ANKS3: variants seen among roughly 807,000 people sequenced by gnomAD.
ANKS3 encodes the protein ankyrin repeat and SAM domain-containing protein 3.
ANKS3 carries 62 observed loss-of-function variants against 80.7 expected under a neutral mutation model. The observed-to-expected ratio is 0.77, with a 90% CI of 0.63 to 0.95. The LOEUF (loss-of-function observed/expected upper bound fraction) is 0.95, where lower values mean the gene tolerates loss of function less well. Ranked by LOEUF, ANKS3 falls within the 40% of genes least tolerant of loss-of-function variation. ANKS3 has a pLI of 0.00. For missense variants in ANKS3, 1,150 were observed against 883.6 expected (o/e 1.30, Z -3.82); for synonymous variants, 489 against 355.3 (o/e 1.38, Z -4.23).
chr16:4,698,883 G>A lies in ANKS3; in HGVS notation c.1468C>T (p.Arg490Cys), dbSNP rs761486110. ...AGCTCCAGGGCATCCCCGGGTGGGC[G>A]GGCACTGCTGTGCCAGCGGGCAATG... The part of the protein sequence containing the change: ...SAIARWHSSA[R>C]PPGDALELAY... The change falls in exon 13 of 18, where the codon CGC (arginine) becomes TGC (cysteine). Residue 490 changes from arginine to cysteine, a missense_variant. Transcript: ENST00000304283. 33 of 1,600,428 alleles carry A rather than the reference G, an allele frequency of 2.1e-5. No homozygotes were observed. The highest frequency in any genetic ancestry group is 6.8e-5 in the Admixed American group (4 of 59,130).
intron 10 of ANKS3, 62 bp from the exon 11 acceptor site, chr16:4,701,196 C>A: frequency 6.3e-7 from 1 of 1,598,294 alleles, no homozygotes; most frequent in South Asian, 1.1e-5. Context: ...TTGGTGAAAC[C>A]CCCACCCGCC....
chr16:4,697,940 C>T (rs374679570), intron 15 of ANKS3, 37 bp downstream of exon 15: 2 of 1,480,146 alleles, frequency 1.4e-6, no homozygotes, highest in Non-Finnish European at 1.8e-6. Context: ...CCCCACCTTC[C>T]CCTCTGCCCA....
At chr16:4,716,867 A>G (rs1416560948) in intron 6 of ANKS3, among the ~76,000 whole-genome samples, 2 of 152,068 alleles carry the variant, frequency 1.3e-5, no homozygotes, top group Admixed American at 6.6e-5. Context: ...GTGAGCTGAG[A>G]TCGCGCCACT....
rs189138145 is a variant in ANKS3, at chr16:4,699,387, G to A, written c.1285-211C>T. ...TCCTCACACTATGGTCGGCCACGTG[G>A]GGACAATGTATGTTCATCACCAGAA... On this transcript the variant is annotated intron_variant, in intron 11 of 17. Coordinates refer to ENST00000304283, the MANE Select transcript of ANKS3 (RefSeq NM_133450.4). The A allele has an allele frequency of 3.5e-3, 2,151 of 618,998 alleles. 7 individuals carry two copies. Among genetic ancestry groups the A allele is most frequent in the Non-Finnish European group, 3.8e-3 (1,345 of 357,204 alleles). 38.3% of individuals were successfully genotyped at this position (618,998 alleles called of 1,614,324 possible).
chr16:4,697,890 C>T lies in ANKS3; in HGVS notation c.1810+87G>A, dbSNP rs972475194. The T allele has an allele frequency of 7.2e-6, 9 of 1,246,746 alleles. No homozygotes were observed. In the African/African-American group the frequency reaches 1.1e-4, roughly 15 times the overall value. The allele number at this position is 1,246,746 out of a possible 1,614,324, so 77.2% of individuals were successfully genotyped here. A position where few individuals can be genotyped will look rare whatever the true frequency, so the allele number is the denominator to read the frequency against. The stretch of plus-strand genomic sequence containing the variant: ...GGGAGAGTGGCTGCCGGCCGGAGAA[C>T]CAGGCCAAGCCCACTGGGTCAAACC... On this transcript the variant is annotated intron_variant, in intron 15 of 17. Transcript: ENST00000304283.
chr16:4,732,329 T>C (rs762805979), intron 1 of ANKS3, among the ~76,000 whole-genome samples: 22 of 152,126 alleles, frequency 1.4e-4, no homozygotes, highest in Non-Finnish European at 2.5e-4. Flanking sequence ...CCTCAAGCCT[T>C]CACTGGGCAT....
At chr16:4,706,424 ACG>A (rs2080196802) in intron 7 of ANKS3, among the ~76,000 whole-genome samples, 1 of 151,954 alleles carries the variant, frequency 6.6e-6, no homozygotes, top group Non-Finnish European at 1.5e-5. Flanking sequence ...TTTAGTAGAG[ACG>A]GGGTTTCACC....
At position 4,720,945 on chromosome 16, in the gene ANKS3, C is replaced by A. The variant is rs147291814; in HGVS notation, c.573+3805G>T. ...GAGCGAGACTCCATCTCAAAACAAA[C>A]AAACAAACAAACAAAAAAACTCTGA... On this transcript the variant is annotated intron_variant, in intron 6 of 17. Transcript: ENST00000304283. Among the ~76,000 whole-genome samples, 326 of 140,494 alleles carry A rather than the reference C, an allele frequency of 2.3e-3. 4 individuals are homozygous for A. The highest frequency in any genetic ancestry group is 8.0e-3 in the African/African-American group (303 of 38,076). The allele number at this position is 140,494 out of a possible 152,430, so 92.2% of individuals were successfully genotyped here.
chr16:4,700,614 C>T (rs2079845709), intron 11 of ANKS3: 1 of 385,998 alleles, frequency 2.6e-6, no homozygotes, highest in Non-Finnish European at 5.0e-6. Flanking sequence ...TAACCATCAC[C>T]AAGCACACAC....
intron 10 of ANKS3, 117 bp from the exon 11 acceptor site, chr16:4,701,251 C>A (rs1485343598): frequency 2.0e-6 from 3 of 1,515,066 alleles, no homozygotes; most frequent in Admixed American, 1.8e-5. Context: ...ACCCGCCACA[C>A]AGGGGCTTCC....
intron 1 of ANKS3, 136 bp downstream of exon 1, chr16:4,733,802 G>C: frequency 4.5e-6 from 2 of 447,274 alleles, no homozygotes; most frequent in Non-Finnish European, 5.9e-6. Context: ...CAAATGTGAT[G>C]CTGGTGGTAA....
rs841215 is a variant in ANKS3 at position 4,697,135 on chromosome 16, G to A, written c.1895-31C>T. On this transcript the variant is annotated intron_variant, in intron 16 of 17. Coordinates refer to ENST00000304283, the MANE Select transcript of ANKS3 (RefSeq NM_133450.4). ...GAATGATGACCTTGAGCCTCTCCCG[G>A]CCAGGCTCAGGAGGGCTGGGTGGTG... 2,204 of 1,606,252 alleles carry A rather than the reference G, an allele frequency of 1.4e-3. 24 individuals carry two copies. In the African/African-American group the frequency reaches 0.025, roughly 18 times the overall value.
intron 1 of ANKS3, among the ~76,000 whole-genome samples, 162 bp downstream of exon 1, chr16:4,733,776 T>G (rs572849375): frequency 5.3e-5 from 8 of 152,126 alleles, no homozygotes; most frequent in Non-Finnish European, 1.0e-4. Context: ...AATTAAAAAA[T>G]TTTTAAAAAT....
chr16:4,697,200 C>T, intron 16 of ANKS3, 96 bp from the exon 17 acceptor site: 3 of 1,559,568 alleles, frequency 1.9e-6, no homozygotes, highest in South Asian at 2.2e-5. Context: ...ACCTGCCCCT[C>T]ACCCGTTATG....
chr16:4,698,254 C>T, intron 14 of ANKS3, 173 bp downstream of exon 14: 2 of 1,153,850 alleles, frequency 1.7e-6, no homozygotes, highest in East Asian at 5.3e-5. Context: ...GACCCAACTC[C>T]TGCCTGGGTC....
At chr16:4,723,644 T>G (rs1382313061) in intron 6 of ANKS3, among the ~76,000 whole-genome samples, 2 of 152,224 alleles carry the variant, frequency 1.3e-5, no homozygotes, top group African/African-American at 4.8e-5. Flanking sequence ...CTGCATTACT[T>G]TGTAGGGCCG....
chr16:4,719,324 C>T (rs2080964690), intron 6 of ANKS3, among the ~76,000 whole-genome samples: 5 of 152,156 alleles, frequency 3.3e-5, no homozygotes, highest in Admixed American at 3.3e-4. Flanking sequence ...CAGAGTGAGA[C>T]TCTGTCTCAA....
rs2079573942 is a variant in ANKS3, at chr16:4,696,762, GTC to G, written c.*144_*145del. 1 of 553,746 alleles carries G rather than the reference GTC, an allele frequency of 1.8e-6. No individual in the cohort carries two copies. The highest frequency in any genetic ancestry group is 1.9e-5 in the African/African-American group (1 of 52,768). The allele number at this position is 553,746 out of a possible 1,614,324, so 34.3% of individuals were successfully genotyped here. On this transcript the variant is annotated 3_prime_UTR_variant, in exon 18 of 18. Coordinates refer to ENST00000304283, the MANE Select transcript of ANKS3 (RefSeq NM_133450.4). The stretch of plus-strand genomic sequence containing the variant: ...GGGCCGCAGCCCCCGTCTTGCCTCT[GTC>G]TGCCGGCTGCTCCCGGGGCCTGATC...
rs771418617 is a variant in ANKS3, at chr16:4,727,020, A to G, written c.328T>C (p.Ser110Pro). The change falls in exon 4 of 18, where the codon TCC becomes CCC. Residue 110 changes from serine to proline, a missense_variant. Physicochemically the swap from Ser to Pro is moderately conservative, Grantham distance 74. Coordinates refer to ENST00000304283, the MANE Select transcript of ANKS3 (RefSeq NM_133450.4). The stretch of plus-strand genomic sequence containing the variant: ...GCGATGCTCTCGTTGCCACAGCTGG[A>G]GGCCAGCATCAGTGGAGTCTGCCCT... ...PEGQTPLMLA[S>P]SCGNESIAYF... The G allele has an allele frequency of 6.2e-7, 1 of 1,614,182 alleles. No homozygotes were observed. Among genetic ancestry groups the G allele is most frequent in the Admixed American group, 1.7e-5 (1 of 60,024 alleles).
Sources: gnomAD v4.1 joint callset for allele counts (sites outside exome capture counted in the v4.1 genomes callset) on GRCh38, gnomAD v4.1.1 for gene constraint, MANE v1.5 for transcripts, NCBI Gene and HGNC (gene_info 2026-07-23, HGNC 2026-07-21) for gene names.